Variants in AEBP2 observed in about 807,000 individuals in gnomAD.
AEBP2 encodes zinc finger protein AEBP2.
AEBP2 carries 10 observed loss-of-function variants against 50.8 expected under a neutral mutation model. That is an observed-to-expected ratio of 0.20 (90% confidence interval 0.12 to 0.33). The LOEUF (loss-of-function observed/expected upper bound fraction) is 0.33. Among genes scored for constraint, AEBP2 ranks in the 10% least tolerant of loss-of-function variants. AEBP2 has a pLI of 1.00. For synonymous variants in AEBP2, 296 were observed against 261.3 expected (o/e 1.13, Z -1.28); for missense variants, 570 against 688.0 (o/e 0.83, Z 1.92).
intron 5 of AEBP2, among the ~76,000 whole-genome samples, chr12:19,505,714 G>A (rs1047099775): frequency 6.6e-6 from 1 of 152,192 alleles, no homozygotes; most frequent in African/African-American, 2.4e-5. Flanking sequence ...CTTTTATTCT[G>A]TGTGAGATGG....
chr12:19,491,171 G>A (rs1232086823), intron 3 of AEBP2, among the ~76,000 whole-genome samples: 4 of 152,100 alleles, frequency 2.6e-5, no homozygotes, highest in Non-Finnish European at 4.4e-5. Context: ...TTTAAAAAGC[G>A]TTATTATTTC....
intron 1 of AEBP2, among the ~76,000 whole-genome samples, chr12:19,422,460 C>T (rs1441088492): frequency 3.3e-5 from 5 of 151,140 alleles, no homozygotes; most frequent in Non-Finnish European, 7.4e-5. Flanking sequence ...AAATTTATAC[C>T]GGAAGGTTAA....
rs370301903 is a variant in AEBP2 at position 19,485,682 on chromosome 12, CAG to C, written c.988-8102_988-8101del. 4.4e-3 allele frequency among the ~76,000 whole-genome samples: 545 copies of C among 122,668 alleles called. 1 individual carries two copies. Among genetic ancestry groups the C allele is most frequent in the African/African-American group, 0.012 (372 of 31,618 alleles). The allele number at this position is 122,668 out of a possible 152,430, so 80.5% of individuals were successfully genotyped here. A position where few individuals can be genotyped will look rare whatever the true frequency, so the allele number is the denominator to read the frequency against. On this transcript the variant is annotated intron_variant, in intron 3 of 7. Coordinates refer to ENST00000266508, the MANE Select transcript of AEBP2 (RefSeq NM_153207.5). The stretch of plus-strand genomic sequence containing the variant: ...TGAGACTGCACTCCAGCCTGGGTGA[CAG>C]AGAGAGAGAGAGAGACCCTGTCTCA...
intron 1 of AEBP2, among the ~76,000 whole-genome samples, chr12:19,431,481 A>G (rs972581920): frequency 2.6e-5 from 4 of 152,204 alleles, no homozygotes; most frequent in African/African-American, 9.6e-5. Flanking sequence ...CAGCTATGCT[A>G]TTCACCTTTC....
intron 6 of AEBP2, among the ~76,000 whole-genome samples, chr12:19,513,434 G>A (rs1431730976): frequency 6.6e-6 from 1 of 152,136 alleles, no homozygotes; most frequent in Non-Finnish European, 1.5e-5. Flanking sequence ...TTTCATTGAA[G>A]GAGATTTCAT....
At chr12:19,427,535 T>A (rs553007775) in intron 1 of AEBP2, among the ~76,000 whole-genome samples, 1 of 152,294 alleles carries the variant, frequency 6.6e-6, no homozygotes, top group African/African-American at 2.4e-5. Context: ...TTGGTCTGAA[T>A]TACATAACCA....
At chr12:19,413,041 C>T (rs1336236869) in intron 1 of AEBP2, 21 of 467,416 alleles carry the variant, frequency 4.5e-5, no homozygotes, top group Middle Eastern at 6.4e-4. Context: ...GGAGCGGGCT[C>T]GTCCTGGCGG....
chr12:19,445,415 T>C (rs1419949385), intron 1 of AEBP2, among the ~76,000 whole-genome samples: 1 of 150,966 alleles, frequency 6.6e-6, no homozygotes, highest in Non-Finnish European at 1.5e-5. Context: ...GGTTGCACCA[T>C]GTTGGCCAGG....
Position 19,449,034 on chromosome 12 carries a change from T to C in AEBP2, c.671+8664T>C, listed in dbSNP as rs111388047. Among the ~76,000 whole-genome samples the C allele has an allele frequency of 2.9e-3, 436 of 152,300 alleles. 1 individual carries two copies. The highest frequency in any genetic ancestry group is 9.9e-3 in the African/African-American group (412 of 41,570). ...GTACAAAGAGTAGATGAATTGGCAA[T>C]AGATTTTTTAGTGTTTTAAATTAAT... On this transcript the variant is annotated intron_variant, in intron 1 of 7. Transcript: ENST00000266508.
chr12:19,516,920 T>C (rs889370827), intron 7 of AEBP2, among the ~76,000 whole-genome samples: 2 of 152,034 alleles, frequency 1.3e-5, no homozygotes, highest in African/African-American at 4.8e-5. Context: ...TCAGCTACTC[T>C]GGAGGCTGAG....
intron 5 of AEBP2, among the ~76,000 whole-genome samples, chr12:19,503,922 C>T (rs547966440): frequency 1.4e-4 from 21 of 152,022 alleles, no homozygotes; most frequent in Middle Eastern, 3.4e-3. Context: ...GCCTCAATCT[C>T]CTGGGTTCAA....
chr12:19,453,265 G>A (rs914847315), intron 1 of AEBP2, among the ~76,000 whole-genome samples: 6 of 151,704 alleles, frequency 4.0e-5, no homozygotes, highest in African/African-American at 7.3e-5. Flanking sequence ...CACCGTGCCC[G>A]GCCGACTTAA....
intron 3 of AEBP2, among the ~76,000 whole-genome samples, chr12:19,482,088 A>G (rs1048445465): frequency 3.3e-5 from 5 of 152,134 alleles, no homozygotes; most frequent in Admixed American, 3.3e-4. Flanking sequence ...TTTCGGTGGA[A>G]AAGACTGGAT....
chr12:19,488,017 TTATTA>T (rs1324692818), intron 3 of AEBP2, among the ~76,000 whole-genome samples: 2 of 152,124 alleles, frequency 1.3e-5, no homozygotes, highest in Non-Finnish European at 2.9e-5. Flanking sequence ...CATATGTATA[TTATTA>T]TATTACATAT....
In AEBP2 at chr12:19,456,237, G is replaced by A. The variant is rs1488447983; in HGVS notation, c.672-6273G>A. 8 of 1,507,400 alleles carry A rather than the reference G, an allele frequency of 5.3e-6. No individual in the cohort carries two copies. The African/African-American group carries it at 6.9e-5, about 13-fold the overall frequency. The allele number at this position is 1,507,400 out of a possible 1,614,324, so 93.4% of individuals were successfully genotyped here. ...TAAGACCGGGGTGGCAGGTATTAGGGATAATATTCATTTAGCCTTTTGAGC... is the reference window on the plus strand; with the variant it reads ...TAAGACCGGGGTGGCAGGTATTAGGAATAATATTCATTTAGCCTTTTGAGC... On this transcript the variant is annotated intron_variant, in intron 1 of 7. Coordinates refer to ENST00000266508, the MANE Select transcript of AEBP2 (RefSeq NM_153207.5).
chr12:19,415,238 G>A (rs1343697654), intron 1 of AEBP2, among the ~76,000 whole-genome samples: 3 of 143,796 alleles, frequency 2.1e-5, no homozygotes, highest in African/African-American at 7.8e-5. Flanking sequence ...CGCTTGAGCT[G>A]GAAGGCAGAG....
At chr12:19,476,892 A>G (rs1449939934) in intron 3 of AEBP2, among the ~76,000 whole-genome samples, 2 of 152,084 alleles carry the variant, frequency 1.3e-5, no homozygotes, top group African/African-American at 4.8e-5. Flanking sequence ...GAATCTGTAG[A>G]TTGCTTTTGG....
chr12:19,514,244 C>T (rs914502143), intron 6 of AEBP2, among the ~76,000 whole-genome samples: 7 of 152,004 alleles, frequency 4.6e-5, no homozygotes, highest in African/African-American at 7.3e-5. Flanking sequence ...AAGTTATCTT[C>T]CCCCCTTGGC....
Position 19,464,145 on chromosome 12 carries a change from C to T in AEBP2, c.879+1428C>T, listed in dbSNP as rs187996947. On this transcript the variant is annotated intron_variant, in intron 2 of 7. Transcript: ENST00000266508. The stretch of plus-strand genomic sequence containing the variant: ...TACTTACCTATGATCTGTTAACTAA[C>T]TGTGTCCATCATATGGTATTTTCAG... Among the ~76,000 whole-genome samples, 1,100 of 152,324 alleles carry T rather than the reference C, an allele frequency of 7.2e-3. 4 individuals are homozygous for T. Among genetic ancestry groups the T allele is most frequent in the Non-Finnish European group, 0.011 (755 of 68,026 alleles).
Sources: gnomAD v4.1 joint callset for allele counts (sites outside exome capture counted in the v4.1 genomes callset) on GRCh38, gnomAD v4.1.1 for gene constraint, MANE v1.5 for transcripts, NCBI Gene and HGNC (gene_info 2026-07-23, HGNC 2026-07-21) for gene names.